FAM153A: variants seen among roughly 807,000 people sequenced by gnomAD.
FAM153A encodes protein FAM153A.
Under a neutral mutation model 48.1 loss-of-function variants are expected in FAM153A, and 12 were observed. The observed-to-expected ratio is 0.25, with a 90% CI of 0.16 to 0.40. The LOEUF (loss-of-function observed/expected upper bound fraction) is 0.40, where lower values mean the gene tolerates loss of function less well. FAM153A is among the 10% of genes least tolerant of loss of function. The pLI, the probability that FAM153A is intolerant of heterozygous loss-of-function variation, is 1.00. For synonymous variants in FAM153A, 36 were observed against 118.2 expected (o/e 0.30, Z 4.51); for missense variants, 111 against 345.8 (o/e 0.32, Z 5.38).
downstream of FAM153A, among the ~76,000 whole-genome samples, chr5:177,710,181 C>T (rs1406630265): frequency 6.7e-6 from 1 of 150,328 alleles, no homozygotes; most frequent in Non-Finnish European, 1.5e-5. Context: ...AGCATGATCT[C>T]GGCTCACTGC....
chr5:177,715,431 C>T (rs1290744257), intron 25 of FAM153A, among the ~76,000 whole-genome samples: 2 of 151,536 alleles, frequency 1.3e-5, no homozygotes, highest in Admixed American at 1.3e-4. Flanking sequence ...ACTGTTCCCT[C>T]AGGTAGCACA....
intron 1 of FAM153A, among the ~76,000 whole-genome samples, chr5:177,771,638 T>C (rs1769114770): frequency 2.1e-5 from 2 of 95,994 alleles, no homozygotes; most frequent in African/African-American, 8.3e-5. Flanking sequence ...GAAATTGGAA[T>C]TGGGAGGGTT....
chr5:177,701,632 C>G, the FAM153A span, among the ~76,000 whole-genome samples: 1 of 151,470 alleles, frequency 6.6e-6, no homozygotes, highest in African/African-American at 2.4e-5. Flanking sequence ...TATAGCAATA[C>G]AAGAACAGAC....
chr5:177,728,307 T>A (rs911696768), intron 18 of FAM153A, among the ~76,000 whole-genome samples: 6 of 146,410 alleles, frequency 4.1e-5, no homozygotes, highest in Non-Finnish European at 7.4e-5. Context: ...ATGGGTTGAT[T>A]TATGCAAACT....
chr5:177,707,024 C>G (rs1262873419), downstream of FAM153A: 2 of 151,940 alleles, frequency 1.3e-5, no homozygotes, highest in Non-Finnish European at 2.9e-5. Flanking sequence ...TGTAAACACC[C>G]TGACACAGGA....
chr5:177,720,758 G>A (rs2127580794), downstream of FAM153A, among the ~76,000 whole-genome samples: 1 of 115,452 alleles, frequency 8.7e-6, no homozygotes, highest in Non-Finnish European at 1.8e-5. Flanking sequence ...GGAGAATCAA[G>A]CAGATTGGTA....
chr5:177,728,558 T>TTG (rs3052125), intron 18 of FAM153A, among the ~76,000 whole-genome samples: 2 of 146,860 alleles, frequency 1.4e-5, no homozygotes, highest in Admixed American at 1.4e-4. Context: ...GGGGTGTTTT[T>TTG]TTTTTTGTTT....
chr5:177,736,994 A>C, intron 11 of FAM153A, 48 bp downstream of exon 13: 1 of 1,343,620 alleles, frequency 7.4e-7, no homozygotes, highest in East Asian at 2.5e-5. Context: ...AAACAGAGAA[A>C]CCGAGAGAAA....
downstream of FAM153A, among the ~76,000 whole-genome samples, chr5:177,705,208 GT>G (rs1341957605): frequency 2.0e-5 from 3 of 151,522 alleles, no homozygotes; most frequent in Non-Finnish European, 2.9e-5. Flanking sequence ...GGAGGCTGTG[GT>G]GGGAGAATCA....
upstream of FAM153A, among the ~76,000 whole-genome samples, chr5:177,758,153 A>AAATC (rs1195007273): frequency 8.1e-6 from 1 of 123,600 alleles, no homozygotes; most frequent in Non-Finnish European, 1.8e-5. Flanking sequence ...CAATGTACAA[A>AAATC]AATCACAAGC....
Position 177,750,938 on chromosome 5 carries a change from TG to T in FAM153A, c.145del (p.His49IlefsTer41). 1 of 1,364,882 alleles carries T rather than the reference TG, an allele frequency of 7.3e-7. No homozygotes were observed. Among genetic ancestry groups the T allele is most frequent in the Non-Finnish European group, 9.8e-7 (1 of 1,021,718 alleles). 84.5% of individuals were successfully genotyped at this position (1,364,882 alleles called of 1,614,324 possible). A position where few individuals can be genotyped will look rare whatever the true frequency, so the allele number is the denominator to read the frequency against. ...CATTGATGCAATTCTAGGGTATATA[TG>T]GCCGGGATGCCAGTGATACCAGTGA... On this transcript the variant is annotated frameshift_variant, in exon 2 of 21. Transcript: ENST00000614127. LOFTEE classifies it high-confidence loss of function.
chr5:177,721,589 G>A (rs1428610854), downstream of FAM153A, among the ~76,000 whole-genome samples: 1 of 101,254 alleles, frequency 9.9e-6, no homozygotes, highest in African/African-American at 3.8e-5. Flanking sequence ...TGCAGTCATG[G>A]CTTACTGGAG....
the FAM153A span, among the ~76,000 whole-genome samples, chr5:177,694,743 T>C: frequency 1.1e-5 from 1 of 94,474 alleles, no homozygotes; most frequent in East Asian, 3.0e-4. Flanking sequence ...TGCAGGAAGA[T>C]TGTGAGTTAT....
At chr5:177,702,535 A>C in the FAM153A span, among the ~76,000 whole-genome samples, 1 of 151,936 alleles carries the variant, frequency 6.6e-6, no homozygotes, top group Non-Finnish European at 1.5e-5. Flanking sequence ...TGCATACGTA[A>C]AAAGGTGCCA....
intron 10 of FAM153A, among the ~76,000 whole-genome samples, chr5:177,738,308 G>C (rs1765012913): frequency 6.6e-6 from 1 of 151,366 alleles, no homozygotes; most frequent in Non-Finnish European, 1.5e-5. Flanking sequence ...TGGATCAGGA[G>C]ATGAGAAAAT....
At chr5:177,706,439 TC>T (rs1582097569), downstream of FAM153A, among the ~76,000 whole-genome samples, 1 of 151,754 alleles carries the variant, frequency 6.6e-6, no homozygotes, top group African/African-American at 2.4e-5. Flanking sequence ...GACCTCGTGA[TC>T]CACCCGCCTC....
At chr5:177,754,666 T>C (rs981853916), upstream of FAM153A, among the ~76,000 whole-genome samples, 2 of 151,866 alleles carry the variant, frequency 1.3e-5, no homozygotes, top group Non-Finnish European at 2.9e-5. Flanking sequence ...GGCAGCATCA[T>C]TTGCTGTTCC....
the FAM153A span, among the ~76,000 whole-genome samples, chr5:177,699,915 TACCA>T: frequency 6.6e-5 from 10 of 151,410 alleles, no homozygotes; most frequent in African/African-American, 1.7e-4. Context: ...GAAGGAAAAC[TACCA>T]ACCAATATCT....
upstream of FAM153A, among the ~76,000 whole-genome samples, chr5:177,781,416 C>CGGCCGACTCACGGTATTTTTTGAT (rs1309751234): frequency 2.9e-3 from 378 of 128,580 alleles, 5 homozygotes; most frequent in Middle Eastern, 7.8e-3. Flanking sequence ...CCACCGCGCC[C>CGGCCGACTCACGGTATTTTTTGAT]AGCCCTAAAA....
Sources: allele counts gnomAD v4.1 joint callset (sites outside exome capture counted in the v4.1 genomes callset), GRCh38; gene constraint gnomAD v4.1.1; transcripts MANE v1.5; gene names NCBI Gene and HGNC (gene_info 2026-07-23, HGNC 2026-07-21).